ODF2L: variants seen among roughly 807,000 people sequenced by gnomAD.
ODF2L encodes protein BCAP.
In ODF2L, 76 loss-of-function variants were observed where a neutral mutation model predicts 86.3. The observed-to-expected ratio is 0.88, with a 90% CI of 0.73 to 1.07. The LOEUF (loss-of-function observed/expected upper bound fraction) is 1.07, where lower values mean the gene tolerates loss of function less well. Ranked by LOEUF, ODF2L falls within the 50% of genes least tolerant of loss-of-function variation. ODF2L has a pLI of 0.00. For synonymous variants in ODF2L, 241 were observed against 231.3 expected (o/e 1.04, Z -0.38); for missense variants, 748 against 717.4 (o/e 1.04, Z -0.49).
chr1:86,365,063 A>G (rs1659307347), intron 11 of ODF2L, among the ~76,000 whole-genome samples: 1 of 152,178 alleles, frequency 6.6e-6, no homozygotes, highest in Non-Finnish European at 1.5e-5. Context: ...ATAAAATATG[A>G]ACAATATTGT....
chr1:86,368,098 T>C (rs913264235), intron 11 of ODF2L, among the ~76,000 whole-genome samples: 1 of 152,158 alleles, frequency 6.6e-6, no homozygotes, highest in Non-Finnish European at 1.5e-5. Flanking sequence ...AAAGCCCATA[T>C]ACTCCAAAAT....
exon 9 of ODF2L, chr1:86,372,535 G>T (rs763826843): frequency 1.3e-6 from 2 of 1,489,924 alleles, no homozygotes; most frequent in East Asian, 2.5e-5. Context: ...CAGACAACTT[G>T]GCTTCCTAAA....
chr1:86,353,617 A>T (rs1289155608), intron 16 of ODF2L, among the ~76,000 whole-genome samples: 3 of 152,204 alleles, frequency 2.0e-5, no homozygotes, highest in Admixed American at 2.0e-4. Context: ...GAATGAGAGT[A>T]GAGGCAGGGA....
At chr1:86,346,876 G>A (rs923784423), downstream of ODF2L, 2 of 152,200 alleles carry the variant, frequency 1.3e-5, no homozygotes, top group Non-Finnish European at 2.9e-5. Context: ...TTATGAAATG[G>A]ATACAGAGGT....
chr1:86,384,797 T>C lies in ODF2L; in HGVS notation c.251A>G (p.Asn84Ser), dbSNP rs761325960. The C allele has an allele frequency of 3.3e-6, 5 of 1,498,760 alleles. No homozygotes were observed. Among genetic ancestry groups the C allele is most frequent in the Middle Eastern group, 2.2e-4 (1 of 4,530 alleles). The allele number at this position is 1,498,760 out of a possible 1,614,324, so 92.8% of individuals were successfully genotyped here. A position where few individuals can be genotyped will look rare whatever the true frequency, so the allele number is the denominator to read the frequency against. The change falls in exon 4 of 18, where the codon AAT becomes AGT. Residue 84 changes from asparagine to serine, a missense_variant. Coordinates refer to ENST00000317336, the Ensembl canonical transcript of ODF2L. ...AATCTTCAAATTCAATGCAGAAAGA[T>C]TCGCCTGACAAATTATAAGAACCAC...
chr1:86,377,543 G>A (rs192373905), intron 7 of ODF2L, among the ~76,000 whole-genome samples: 25 of 152,242 alleles, frequency 1.6e-4, no homozygotes, highest in East Asian at 7.7e-4. Flanking sequence ...CTCCACCCCC[G>A]CAGCAAACTT....
At chr1:86,374,598 A>T (rs1447876974) in intron 8 of ODF2L, among the ~76,000 whole-genome samples, 2 of 152,178 alleles carry the variant, frequency 1.3e-5, no homozygotes, top group African/African-American at 4.8e-5. Context: ...AAAAGTCAGA[A>T]TCAGTGGTCT....
At chr1:86,386,568 A>G (rs1051960123) in intron 2 of ODF2L, 2 of 192,408 alleles carry the variant, frequency 1.0e-5, no homozygotes, top group East Asian at 2.3e-4. Context: ...GCATTTTTTC[A>G]GTAGAGATGG....
intron 1 of ODF2L, among the ~76,000 whole-genome samples, chr1:86,392,390 T>G (rs1426081753): frequency 6.6e-6 from 1 of 152,086 alleles, no homozygotes; most frequent in Non-Finnish European, 1.5e-5. Context: ...ACATGCATGT[T>G]TATAGCAACA....
At chr1:86,380,689 CTTCTTT>C (rs1397504824) in intron 7 of ODF2L, among the ~76,000 whole-genome samples, 1 of 152,032 alleles carries the variant, frequency 6.6e-6, no homozygotes, top group Non-Finnish European at 1.5e-5. Flanking sequence ...AGCTGATTAT[CTTCTTT>C]TTCTATCTCC....
intron 2 of ODF2L, chr1:86,386,031 A>C (rs1660931638): frequency 6.5e-6 from 1 of 153,076 alleles, no homozygotes. Context: ...TATAAACGAC[A>C]CCTGTCCCTT....
At chr1:86,358,853 G>A (rs748151720) in exon 13 of ODF2L, 2 of 1,546,970 alleles carry the variant, frequency 1.3e-6, no homozygotes, top group East Asian at 2.4e-5. Flanking sequence ...TTTCACATCT[G>A]CTTTTTACTA....
At chr1:86,371,904 T>C (rs1399399403) in intron 9 of ODF2L, among the ~76,000 whole-genome samples, 3 of 152,096 alleles carry the variant, frequency 2.0e-5, no homozygotes, top group Non-Finnish European at 2.9e-5. Flanking sequence ...TTTCAAAATG[T>C]GGGCCAGGCG....
chr1:86,351,269 A>T (rs1658117300), exon 18 of ODF2L: 1 of 152,184 alleles, frequency 6.6e-6, no homozygotes, highest in South Asian at 2.1e-4. Context: ...TAATTTTTGT[A>T]TAAGGTGTAA....
exon 16 of ODF2L, chr1:86,354,623 A>G (rs144501407): frequency 8.7e-6 from 14 of 1,610,544 alleles, no homozygotes; most frequent in Non-Finnish European, 1.2e-5. Flanking sequence ...TGCTGTGCTT[A>G]AGACATTCTT....
chr1:86,360,369 T>C (rs1658942006), intron 12 of ODF2L, 57 bp downstream of exon 11: 2 of 767,928 alleles, frequency 2.6e-6, no homozygotes, highest in Non-Finnish European at 2.2e-6. Flanking sequence ...TACAAAGAAA[T>C]AGTGTTTTAA....
chr1:86,390,209 T>C lies in ODF2L; in HGVS notation c.-59-3123A>G, dbSNP rs139722911. Among the ~76,000 whole-genome samples, 398 of 152,208 alleles carry C rather than the reference T, an allele frequency of 2.6e-3. 1 individual carries two copies. Among genetic ancestry groups the C allele is most frequent in the Non-Finnish European group, 4.3e-3 (294 of 68,006 alleles). On this transcript the variant is annotated intron_variant, in intron 1 of 17. Transcript: ENST00000317336. ...AGGCTGAAGCGGGTGGATCGTGAGGTCAGGAGTTCAAGACCAGCCTGGCCA... is the reference window on the plus strand; with the variant it reads ...AGGCTGAAGCGGGTGGATCGTGAGGCCAGGAGTTCAAGACCAGCCTGGCCA...
chr1:86,390,641 G>A (rs1458592028), intron 1 of ODF2L, among the ~76,000 whole-genome samples: 1 of 152,222 alleles, frequency 6.6e-6, no homozygotes, highest in South Asian at 2.1e-4. Context: ...ATCGCTTTAT[G>A]ATTAAAACCC....
chr1:86,361,514 G>A (rs1558017499), intron 11 of ODF2L, among the ~76,000 whole-genome samples: 1 of 152,182 alleles, frequency 6.6e-6, no homozygotes, highest in Non-Finnish European at 1.5e-5. Flanking sequence ...GATGTGCAGA[G>A]CTGTGAGAGC....
Sources: gnomAD v4.1 joint callset for allele counts (sites outside exome capture counted in the v4.1 genomes callset) on GRCh38, gnomAD v4.1.1 for gene constraint, MANE v1.5 for transcripts, NCBI Gene and HGNC (gene_info 2026-07-23, HGNC 2026-07-21) for gene names.